The following CFHR2 variants were observed in gnomAD, a reference collection of about 807,000 sequenced individuals.
The protein encoded by CFHR2 is complement factor H-related protein 2.
A neutral mutation model predicts 21.7 loss-of-function variants in CFHR2; 22 were observed. That is an observed-to-expected ratio of 1.01 (90% CI 0.72 to 1.45). CFHR2 has a LOEUF of 1.45. Among genes scored for constraint, CFHR2 ranks in the 40% most tolerant of loss-of-function variants. The pLI is 0.00. For synonymous variants in CFHR2, 98 were observed against 97.4 expected (o/e 1.01, Z -0.04); for missense variants, 294 against 293.3 (o/e 1.00, Z -0.02).
At chr1:196,946,639 T>C (rs1397326000) in intron 1 of CFHR2, among the ~76,000 whole-genome samples, 1 of 152,200 alleles carries the variant, frequency 6.6e-6, no homozygotes, top group Non-Finnish European at 1.5e-5. Context: ...TCAGTATCAC[T>C]GTCTTCTTCC....
intron 3 of CFHR2, 112 bp from the exon 4 acceptor site, chr1:196,957,779 C>A: frequency 1.1e-6 from 1 of 912,656 alleles, no homozygotes; most frequent in Non-Finnish European, 1.7e-6. Flanking sequence ...TCATTTCATT[C>A]AGCACAAATC....
At chr1:196,955,425 T>G (rs1447694763) in intron 3 of CFHR2, among the ~76,000 whole-genome samples, 1 of 152,194 alleles carries the variant, frequency 6.6e-6, no homozygotes, top group East Asian at 1.9e-4. Context: ...AACCTCTGCC[T>G]GTTACCCAGT....
intron 1 of CFHR2, among the ~76,000 whole-genome samples, chr1:196,945,958 G>A (rs12063535): frequency 7.3e-5 from 11 of 151,642 alleles, no homozygotes; most frequent in East Asian, 3.9e-4. Flanking sequence ...ATAGCCTGTC[G>A]CTCCTAGGCT....
rs1054514670 is a variant in CFHR2, at chr1:196,953,584, G to T, written c.430+2556G>T. 2.6e-5 allele frequency among the ~76,000 whole-genome samples: 4 copies of T among 152,234 alleles called. No homozygotes were observed. The East Asian group carries it at 7.7e-4, about 29-fold the overall frequency. On this transcript the variant is annotated intron_variant, in intron 3 of 4. Transcript: ENST00000367415. ...AGTCATGAGCCACTGTACCCAGACA[G>T]ATCAATTGTTTTCAATGGCATTTTG...
chr1:196,953,494 G>A (rs1412384827), intron 3 of CFHR2, among the ~76,000 whole-genome samples: 4 of 152,194 alleles, frequency 2.6e-5, no homozygotes, highest in African/African-American at 4.8e-5. Context: ...AATTGGCCAG[G>A]CTGGTCTCCA....
chr1:196,949,369 A>T, intron 1 of CFHR2, 86 bp from the exon 2 acceptor site: 3 of 1,347,948 alleles, frequency 2.2e-6, no homozygotes, highest in South Asian at 2.9e-5. Flanking sequence ...GAAAGAAAAA[A>T]ACTAAATGAG....
At chr1:196,954,911 G>T (rs1011633367) in intron 3 of CFHR2, among the ~76,000 whole-genome samples, 3 of 152,220 alleles carry the variant, frequency 2.0e-5, no homozygotes, top group African/African-American at 7.2e-5. Context: ...AGGCCTTTGG[G>T]CCTGTGATTG....
chr1:196,957,790 A>T, intron 3 of CFHR2, 101 bp from the exon 4 acceptor site: 2 of 1,027,008 alleles, frequency 1.9e-6, no homozygotes, highest in African/African-American at 3.2e-5. Flanking sequence ...AGCACAAATC[A>T]CAAAAGCCCT....
At chr1:196,947,240 TA>T (rs1659539859) in intron 1 of CFHR2, among the ~76,000 whole-genome samples, 1 of 152,098 alleles carries the variant, frequency 6.6e-6, no homozygotes, top group Admixed American at 6.6e-5. Flanking sequence ...GGTGGTTGTG[TA>T]AAGGAGGCTT....
chr1:196,952,327 G>T (rs1427173727), intron 3 of CFHR2, among the ~76,000 whole-genome samples: 1 of 152,096 alleles, frequency 6.6e-6, no homozygotes, highest in Non-Finnish European at 1.5e-5. Context: ...AGCTGAAACT[G>T]TGACAGTTTT....
chr1:196,946,268 C>A (rs1659480608), intron 1 of CFHR2, among the ~76,000 whole-genome samples: 1 of 152,144 alleles, frequency 6.6e-6, no homozygotes. Flanking sequence ...TATTTATTTA[C>A]TTCAATAGTT....
intron 3 of CFHR2, among the ~76,000 whole-genome samples, chr1:196,952,744 C>T (rs1652661758): frequency 6.6e-6 from 1 of 152,188 alleles, no homozygotes; most frequent in Non-Finnish European, 1.5e-5. Flanking sequence ...TCAACCATAC[C>T]TCCAATAAGT....
chr1:196,955,581 G>A (rs1012651083), intron 3 of CFHR2, among the ~76,000 whole-genome samples: 2 of 152,148 alleles, frequency 1.3e-5, no homozygotes, highest in African/African-American at 2.4e-5. Context: ...AGACATGGTG[G>A]CTCACACCTG....
In CFHR2 at chr1:196,957,961, A is replaced by G. The variant is rs765813819; in HGVS notation, c.501A>G (p.Val167=). The change falls in exon 4 of 5, where the codon GTA becomes GTG. Residue 167 remains valine, a synonymous_variant. Transcript: ENST00000367415. ...ACATTACTTCATTCCTGTTGTCAGT[A>G]TATGCTCCAGGTTCATCAGTTGAGT... ...NGDITSFLLS[V]YAPGSSVEYQ... 11 of 1,613,758 alleles carry G rather than the reference A, an allele frequency of 6.8e-6. No homozygotes were observed. Among genetic ancestry groups the G allele is most frequent in the African/African-American group, 1.3e-5 (1 of 75,040 alleles).
intron 3 of CFHR2, among the ~76,000 whole-genome samples, chr1:196,951,805 G>A (rs1475313102): frequency 3.9e-5 from 6 of 152,080 alleles, no homozygotes; most frequent in Admixed American, 6.6e-5. Context: ...CTCAACTAAA[G>A]AAGACCATTG....
At chr1:196,954,764 G>GA (rs569817509) in intron 3 of CFHR2, among the ~76,000 whole-genome samples, 2 of 152,204 alleles carry the variant, frequency 1.3e-5, no homozygotes, top group Non-Finnish European at 2.9e-5. Context: ...TGCACCTTCT[G>GA]AAAAAATGAC....
intron 4 of CFHR2, among the ~76,000 whole-genome samples, chr1:196,958,415 T>TGA (rs894664239): frequency 1.3e-3 from 195 of 145,220 alleles, no homozygotes; most frequent in Middle Eastern, 7.1e-3. Flanking sequence ...TGTGTGTGTG[T>TGA]GAGAGAGAGA....
chr1:196,952,992 G>GAAC (rs1426084605), intron 3 of CFHR2, among the ~76,000 whole-genome samples: 2 of 152,300 alleles, frequency 1.3e-5, no homozygotes, highest in South Asian at 2.1e-4. Context: ...GAATTTAGCG[G>GAAC]AACACTCTAT....
At chr1:196,957,143 A>T (rs957566575) in intron 3 of CFHR2, among the ~76,000 whole-genome samples, 3 of 152,118 alleles carry the variant, frequency 2.0e-5, no homozygotes, top group African/African-American at 4.8e-5. Flanking sequence ...GGGTATAGAA[A>T]GTAGGCTCTT....
Sources: gnomAD v4.1 joint callset for allele counts (sites outside exome capture counted in the v4.1 genomes callset) on GRCh38, gnomAD v4.1.1 for gene constraint, MANE v1.5 for transcripts, NCBI Gene and HGNC (gene_info 2026-07-23, HGNC 2026-07-21) for gene names.